Variants in TYMP observed in about 807,000 individuals in gnomAD.
TYMP encodes the protein thymidine phosphorylase.
A neutral mutation model predicts 42.3 loss-of-function variants in TYMP; 46 were observed. The ratio of observed to expected loss-of-function variants is 1.09; its 90% CI spans 0.86 to 1.39. The LOEUF (loss-of-function observed/expected upper bound fraction) is 1.39, where lower values mean the gene tolerates loss of function less well. TYMP is among the 40% of genes most tolerant of loss of function. TYMP has a pLI of 0.00. For missense variants in TYMP, 837 were observed against 677.6 expected (o/e 1.24, Z -2.61); for synonymous variants, 363 against 308.0 (o/e 1.18, Z -1.87).
intron 7 of TYMP, 40 bp downstream of exon 7, chr22:50,526,536 C>T (rs757699968): frequency 7.4e-5 from 115 of 1,543,640 alleles, no homozygotes; most frequent in Non-Finnish European, 9.6e-5. Flanking sequence ...CGGGAAGCAC[C>T]CCCCGCCGCC....
At chr22:50,527,072 G>T in intron 6 of TYMP, 93 bp downstream of exon 6, 1 of 1,038,078 alleles carries the variant, frequency 9.6e-7, no homozygotes, top group Non-Finnish European at 1.5e-6. Context: ...AGGCAGGACT[G>T]CTGAGTGGAG....
Position 50,529,499 on chromosome 22 carries a change from T to C in TYMP, c.211A>G (p.Ile71Val). ...VVNGSAQGAQ[I>V]GAMLMAIRLR... is the part of the protein sequence containing the mutation. Reference sequence around the variant, plus strand: ...ACGCCCAACCCTCCCCACGCACCGATCTGTGCGCCCTGCGCGCTCCCATTC... The same window carrying C: ...ACGCCCAACCCTCCCCACGCACCGACCTGTGCGCCCTGCGCGCTCCCATTC... The change falls in exon 2 of 10, where the codon ATC becomes GTC. Residue 71 changes from isoleucine to valine, a missense_variant. Physicochemically the swap from Ile to Val is conservative, Grantham distance 29. Transcript: ENST00000252029. 6.2e-7 allele frequency: 1 copy of C among 1,612,684 alleles called. No individual in the cohort carries two copies. Among genetic ancestry groups the C allele is most frequent in the Non-Finnish European group, 8.5e-7 (1 of 1,179,878 alleles).
rs1209463945 is a variant in TYMP at position 50,526,332 on chromosome 22, C to T, written c.1073G>A (p.Arg358Gln). 1.3e-6 allele frequency: 2 copies of T among 1,559,710 alleles called. No homozygotes were observed. The highest frequency in any genetic ancestry group is 1.7e-6 in the Non-Finnish European group (2 of 1,163,762). Residue 358 changes from arginine to glutamine, a missense_variant, in exon 8 of 10, where the codon CGA (arginine) becomes CAA (glutamine). Arg to Gln is a conservative substitution (Grantham distance 43). Coordinates refer to ENST00000252029, the MANE Select transcript of TYMP (RefSeq NM_001953.5). ...AAQGVDPGLA[R>Q]ALCSGSPAER... ...TGCGGGACTTCCCGAGCACAGGGCT[C>T]GGGCCAGACCGGGATCCACGCCCTG...
chr22:50,528,634 C>G lies in TYMP; in HGVS notation c.418-24G>C, dbSNP rs781276243. On this transcript the variant is annotated intron_variant, in intron 3 of 9. Coordinates refer to ENST00000252029, the MANE Select transcript of TYMP (RefSeq NM_001953.5). ...ACCTGGTGGTCAGGGATGCTGAGTA[C>G]CCTGCACAGTACCCCTCCCCCACCT... 6.3e-6 allele frequency: 10 copies of G among 1,574,912 alleles called. 1 individual carries two copies. In the South Asian group the frequency reaches 1.1e-4, roughly 18 times the overall value.
At chr22:50,527,032 C>T (rs942050869) in intron 6 of TYMP, 133 bp downstream of exon 6, 17 of 817,616 alleles carry the variant, frequency 2.1e-5, no homozygotes, top group Admixed American at 3.7e-5. Flanking sequence ...GAGGGAGGGA[C>T]TTCGGGCAGA....
chr22:50,525,793 G>C lies in TYMP; in HGVS notation c.1426C>G (p.Leu476Val). 2 of 1,610,876 alleles carry C rather than the reference G, an allele frequency of 1.2e-6. No individual in the cohort carries two copies. Among genetic ancestry groups the C allele is most frequent in the Non-Finnish European group, 1.7e-6 (2 of 1,179,082 alleles). ...PFAAPSPFAE[L>V]VLPPQQ is the part of the protein sequence containing the mutation. ...CTTTATTGCTGCGGCGGCAGAACGAGCTCTGCGAAGGGCGAGGGGGCGGCG... is the reference window on the plus strand; with the variant it reads ...CTTTATTGCTGCGGCGGCAGAACGACCTCTGCGAAGGGCGAGGGGGCGGCG... The change falls in exon 10 of 10, where the codon CTC becomes GTC. Residue 476 changes from leucine to valine, a missense_variant. Physicochemically the swap from Leu to Val is conservative, Grantham distance 32. Transcript: ENST00000252029.
At position 50,526,278 on chromosome 22, in the gene TYMP, CG is replaced by C; in HGVS notation, c.1126del (p.Arg376GlyfsTer?). 6.5e-7 allele frequency: 1 copy of C among 1,545,100 alleles called. No individual in the cohort carries two copies. ...AERRQLLPRAREQEELLAPAD... is the reference protein window; with the variant it reads ...AERRQLLPRAXEQEELLAPAD... ...GGGCGCCAGCAGCTCCTCCTGCTCC[CG>C]GGCGCGAGGCAGCAGCTGCCGGCGT... On this transcript the variant is annotated frameshift_variant, in exon 8 of 10. Transcript: ENST00000252029. LOFTEE classifies it high-confidence loss of function.
intron 7 of TYMP, 31 bp downstream of exon 7, chr22:50,526,545 C>T: frequency 6.5e-7 from 1 of 1,549,482 alleles, no homozygotes; most frequent in South Asian, 1.2e-5. Flanking sequence ...CCCCCCGCCG[C>T]CTCCGCTCCC....
In TYMP at chr22:50,526,694, C is replaced by A; in HGVS notation, c.810G>T (p.Leu270=). The A allele has an allele frequency of 6.5e-7, 1 of 1,543,286 alleles. No individual in the cohort carries two copies. The highest frequency in any genetic ancestry group is 1.2e-5 in the South Asian group (1 of 84,288). The stretch of plus-strand genomic sequence containing the variant: ...GACCCAGGGGCTTGTCCATGGCGGT[C>A]AGCGCTGCCGCGACCCGAAGCCCTA... The part of the protein sequence containing the change: ...ASLGLRVAAA[L]TAMDKPLGRC... The change falls in exon 7 of 10, where the codon CTG becomes CTT. Residue 270 remains leucine, a synonymous_variant. Transcript: ENST00000252029.
chr22:50,527,122 C>T (rs1261968435), intron 6 of TYMP, 43 bp downstream of exon 6: 3 of 1,504,190 alleles, frequency 2.0e-6, no homozygotes, highest in Admixed American at 1.7e-5. Flanking sequence ...GTAGGCTGGG[C>T]CCGCATCAAG....
chr22:50,526,329 G>C lies in TYMP; in HGVS notation c.1076C>G (p.Ala359Gly), dbSNP rs774416437. ...AQGVDPGLAR[A>G]LCSGSPAERR... ...TTCTGCGGGACTTCCCGAGCACAGG[G>C]CTCGGGCCAGACCGGGATCCACGCC... The change falls in exon 8 of 10, where the codon GCC (alanine) becomes GGC (glycine). Residue 359 changes from alanine (A) to glycine (G), a missense_variant. Coordinates refer to ENST00000252029, the MANE Select transcript of TYMP (RefSeq NM_001953.5). The C allele has an allele frequency of 1.3e-6, 2 of 1,562,284 alleles. No individual in the cohort carries two copies. The highest frequency in any genetic ancestry group is 1.9e-4 in the Middle Eastern group (1 of 5,280).
rs1031019051 is a variant in TYMP at position 50,529,264 on chromosome 22, G to T, written c.289C>A (p.Gln97Lys). 1.9e-6 allele frequency: 3 copies of T among 1,613,200 alleles called. No homozygotes were observed. In the African/African-American group the frequency reaches 4.0e-5, roughly 22 times the overall value. Residue 97 changes from glutamine to lysine, a missense_variant, in exon 3 of 10, where the codon CAG becomes AAG. Transcript: ENST00000252029. ...ETSVLTQALA[Q>K]SGQQLEWPEA... is the part of the protein sequence containing the mutation. ...GGCCACTCCAGCTGCTGTCCCGACT[G>T]AGCCAGGGCCTGGGTCAGCACCGAG...
In TYMP at chr22:50,526,671, C is replaced by G; in HGVS notation, c.833G>C (p.Gly278Ala). 3 of 1,552,848 alleles carry G rather than the reference C, an allele frequency of 1.9e-6. No homozygotes were observed. Among genetic ancestry groups the G allele is most frequent in the Non-Finnish European group, 2.6e-6 (3 of 1,151,860 alleles). The stretch of plus-strand genomic sequence containing the variant: ...CTCCAGGGCGTGGCCCACGCAGCGA[C>G]CCAGGGGCTTGTCCATGGCGGTCAG... ...AALTAMDKPL[G>A]RCVGHALEVE... Residue 278 changes from glycine to alanine, a missense_variant, in exon 7 of 10, where the codon GGT becomes GCT. Transcript: ENST00000252029.
intron 4 of TYMP, chr22:50,527,924 A>G: frequency 1.6e-6 from 1 of 606,516 alleles, no homozygotes; most frequent in Middle Eastern, 4.4e-4. Context: ...ACAGGTGCGC[A>G]CCACCACACG....
rs930615737 is a variant in TYMP at position 50,526,349 on chromosome 22, C to G, written c.1056G>C (p.Val352=). Residue 352 remains valine (V), a synonymous_variant, in exon 8 of 10, where the codon GTG becomes GTC. Transcript: ENST00000252029. ...RFERMLAAQG[V]DPGLARALCS... is the part of the protein sequence containing the mutation. ...ACAGGGCTCGGGCCAGACCGGGATC[C>G]ACGCCCTGCGCCGCCAGCATCCGCT... 1 of 1,554,474 alleles carries G rather than the reference C, an allele frequency of 6.4e-7. No homozygotes were observed. The highest frequency in any genetic ancestry group is 8.6e-7 in the Non-Finnish European group (1 of 1,161,692).
chr22:50,529,317 C>T lies in TYMP; in HGVS notation c.236G>A (p.Arg79Gln), dbSNP rs751450304. The T allele has an allele frequency of 1.2e-6, 2 of 1,613,346 alleles. No homozygotes were observed. The highest frequency in any genetic ancestry group is 1.7e-6 in the Non-Finnish European group (2 of 1,179,996). Residue 79 changes from arginine (R) to glutamine (Q), a missense_variant, in exon 3 of 10, where the codon CGA (arginine) becomes CAA (glutamine). Transcript: ENST00000252029. ...AQIGAMLMAI[R>Q]LRGMDLEETS... Reference sequence around the variant, plus strand: ...CTCCTCCAGATCCATGCCCCGAAGTCGGATGGCCATCAGCATGGCCCCTGG... The same window carrying T: ...CTCCTCCAGATCCATGCCCCGAAGTTGGATGGCCATCAGCATGGCCCCTGG...
At chr22:50,528,339 T>C in intron 4 of TYMP, 173 bp downstream of exon 4, 1 of 693,696 alleles carries the variant, frequency 1.4e-6, no homozygotes, top group Non-Finnish European at 2.6e-6. Flanking sequence ...TCCCATTTTA[T>C]GATCCTAATC....
chr22:50,528,969 G>A (rs2069490000), intron 3 of TYMP, 167 bp downstream of exon 3: 2 of 774,508 alleles, frequency 2.6e-6, no homozygotes, highest in Non-Finnish European at 4.3e-6. Context: ...CAAGCGCTGT[G>A]CTGGGGAACG....
rs550583047 is a variant in TYMP at position 50,527,204 on chromosome 22, G to A, written c.726C>T (p.Phe242=). The change falls in exon 6 of 10, where the codon TTC becomes TTT. Residue 242 remains phenylalanine (F), a synonymous_variant. Coordinates refer to ENST00000252029, the MANE Select transcript of TYMP (RefSeq NM_001953.5). ...VDVKFGGAAV[F]PNQEQARELA... ...GCTCCCGGGCCTGCTCCTGGTTGGG[G>A]AAGACGGCGGCCCCTCCGAACTTAA... is the stretch of plus-strand genomic sequence containing the variant. The A allele has an allele frequency of 2.3e-5, 37 of 1,613,526 alleles. No homozygotes were observed. The South Asian group carries it at 3.8e-4, about 17-fold the overall frequency.
Sources: gnomAD v4.1 joint callset for allele counts on GRCh38, gnomAD v4.1.1 for gene constraint, MANE v1.5 for transcripts, NCBI Gene and HGNC (gene_info 2026-07-23, HGNC 2026-07-21) for gene names.